Variants in GALNT18 observed in about 807,000 individuals in gnomAD.
The protein encoded by GALNT18 is GalNAc-transferase 18.
A neutral mutation model predicts 69.5 loss-of-function variants in GALNT18; 44 were observed. The observed-to-expected ratio is 0.63, with a 90% CI of 0.50 to 0.81. The LOEUF is 0.81. Ranked by LOEUF, GALNT18 falls within the 40% of genes least tolerant of loss-of-function variation. GALNT18 has a pLI of 0.00. For synonymous variants in GALNT18, 364 were observed against 318.2 expected (o/e 1.14, Z -1.53); for missense variants, 715 against 810.0 (o/e 0.88, Z 1.42).
At position 11,617,786 on chromosome 11, in the gene GALNT18, C is replaced by T. The variant is rs1304440437; in HGVS notation, c.235+3573G>A. Among the ~76,000 whole-genome samples, 1 of 152,228 alleles carries T rather than the reference C, an allele frequency of 6.6e-6. No individual in the cohort carries two copies. The highest frequency in any genetic ancestry group is 1.5e-5 in the Non-Finnish European group (1 of 68,050). On this transcript the variant is annotated intron_variant, in intron 1 of 10. Coordinates refer to ENST00000227756, the MANE Select transcript of GALNT18 (RefSeq NM_198516.3). The surrounding 1 kb of genome is among the most constrained non-coding windows in gnomAD (Gnocchi z 4.7). ...AATCAACATTTCCATTTCCTGCACT[C>T]TCCAACACTGAGAACTCCTTTAGCA... is the stretch of plus-strand genomic sequence containing the variant.
chr11:11,316,204 G>T (rs1849750167), intron 9 of GALNT18, among the ~76,000 whole-genome samples: 1 of 152,078 alleles, frequency 6.6e-6, no homozygotes, highest in Non-Finnish European at 1.5e-5. Context: ...AGTCATGGAG[G>T]GCACAAGAAA....
intron 9 of GALNT18, among the ~76,000 whole-genome samples, chr11:11,294,015 T>G (rs891003077): frequency 1.3e-5 from 2 of 152,234 alleles, no homozygotes; most frequent in African/African-American, 4.8e-5. Flanking sequence ...GTTTTCTGGG[T>G]GTGCTGGGGA....
chr11:11,406,187 C>G (rs1854583844), intron 3 of GALNT18, among the ~76,000 whole-genome samples: 1 of 152,188 alleles, frequency 6.6e-6, no homozygotes, highest in Admixed American at 6.5e-5. Context: ...AAATAATAGC[C>G]ATATTTTCCA....
rs376279165 is a variant in GALNT18, at chr11:11,292,149, C to T, written c.1677+880G>A. The stretch of plus-strand genomic sequence containing the variant: ...CTTCCCTGGGAGTGTCCACCATGTA[C>T]AGCCCCCAGGCAGCCCTGAGGCTCC... On this transcript the variant is annotated intron_variant, in intron 10 of 10. Transcript: ENST00000227756. Among the ~76,000 whole-genome samples, 146 of 152,266 alleles carry T rather than the reference C, an allele frequency of 9.6e-4. 1 individual carries two copies. Among genetic ancestry groups the T allele is most frequent in the African/African-American group, 3.4e-3 (141 of 41,548 alleles).
At position 11,603,121 on chromosome 11, in the gene GALNT18, A is replaced by T. The variant is rs1015269622; in HGVS notation, c.235+18238T>A. ...AATTCTAAGTTATGTCTTCCCATCA[A>T]CTACTTCAATTTGTGTTTGGTGCTT... On this transcript the variant is annotated intron_variant, in intron 1 of 10. Transcript: ENST00000227756. The surrounding 1 kb of genome is among the most constrained non-coding windows in gnomAD (Gnocchi z 4.5). 6.6e-6 allele frequency among the ~76,000 whole-genome samples: 1 copy of T among 152,222 alleles called. No individual in the cohort carries two copies. The highest frequency in any genetic ancestry group is 2.4e-5 in the African/African-American group (1 of 41,466).
intron 3 of GALNT18, among the ~76,000 whole-genome samples, chr11:11,427,639 C>T (rs924942640): frequency 6.6e-6 from 1 of 152,106 alleles, no homozygotes; most frequent in African/African-American, 2.4e-5. Context: ...AGGTTAAGAA[C>T]ACACAGGTAG....
rs569049347 is a variant in GALNT18 at position 11,538,472 on chromosome 11, T to C, written c.235+82887A>G. Among the ~76,000 whole-genome samples the C allele has an allele frequency of 8.1e-4, 124 of 152,336 alleles. No homozygotes were observed. Among genetic ancestry groups the C allele is most frequent in the Admixed American group, 6.1e-3 (94 of 15,302 alleles). ...ACTCCAGCTCCCAGAGGCCTGGGCC[T>C]GCAGGGTGGGAGAGACCAGCATACC... On this transcript the variant is annotated intron_variant, in intron 1 of 10. Coordinates refer to ENST00000227756, the MANE Select transcript of GALNT18 (RefSeq NM_198516.3). The surrounding 1 kb of genome is among the most constrained non-coding windows in gnomAD (Gnocchi z 5.2).
chr11:11,454,019 C>T lies in GALNT18; in HGVS notation c.236-5083G>A, dbSNP rs1268554617. Among the ~76,000 whole-genome samples, 1 of 152,142 alleles carries T rather than the reference C, an allele frequency of 6.6e-6. No homozygotes were observed. The highest frequency in any genetic ancestry group is 6.5e-5 in the Admixed American group (1 of 15,278). ...CTCAGACTCAGAACAGCATCTGGCG[C>T]CTAGTAGGTGCTTAACCAATACCAG... On this transcript the variant is annotated intron_variant, in intron 1 of 10. Transcript: ENST00000227756. The surrounding 1 kb of genome is among the most constrained non-coding windows in gnomAD (Gnocchi z 4.2).
At chr11:11,326,202 A>G (rs1248299466) in intron 9 of GALNT18, among the ~76,000 whole-genome samples, 1 of 151,600 alleles carries the variant, frequency 6.6e-6, no homozygotes, top group East Asian at 1.9e-4. Context: ...CCGCCACCAC[A>G]CCTGGCTAAT....
At chr11:11,521,713 C>T (rs4075928) in intron 1 of GALNT18, among the ~76,000 whole-genome samples, 2,413 of 152,160 alleles carry the variant, frequency 0.016, 82 homozygotes, top group African/African-American at 0.054. Context: ...ATTTACAGTA[C>T]AATGACAGTC....
intron 3 of GALNT18, among the ~76,000 whole-genome samples, chr11:11,409,439 A>G (rs1377719821): frequency 6.6e-6 from 1 of 151,194 alleles, no homozygotes; most frequent in African/African-American, 2.4e-5. Context: ...AGAGTTTGGG[A>G]CTCCACCCGG....
At position 11,387,552 on chromosome 11, in the gene GALNT18, A is replaced by C. The variant is rs533850227; in HGVS notation, c.596-8288T>G. Among the ~76,000 whole-genome samples the C allele has an allele frequency of 3.5e-4, 53 of 152,234 alleles. No individual in the cohort carries two copies. The highest frequency in any genetic ancestry group is 6.2e-4 in the Non-Finnish European group (42 of 68,038). On this transcript the variant is annotated intron_variant, in intron 3 of 10. Transcript: ENST00000227756. This position sits in a 1 kb window ranked among gnomAD's most constrained non-coding sequence, Gnocchi z 4.6. ...TGTGTTTATTCCTTTCCAAGTGAAA[A>C]GTGGCTTGTCTTCTTCAGATCAGAA...
chr11:11,278,478 C>A (rs529935168), intron 10 of GALNT18, among the ~76,000 whole-genome samples: 1 of 151,768 alleles, frequency 6.6e-6, no homozygotes, highest in East Asian at 1.9e-4. Context: ...AAAACCTGCA[C>A]ATTCTGCACA....
At chr11:11,275,110 A>G (rs71465771) in intron 10 of GALNT18, among the ~76,000 whole-genome samples, 61,718 of 152,098 alleles carry the variant, frequency 0.41, 12,792 homozygotes, top group Non-Finnish European at 0.45. Flanking sequence ...GATCCTTGAG[A>G]AATGGCCACA....
intron 4 of GALNT18, 61 bp downstream of exon 4, chr11:11,379,020 T>A (rs1853842322): frequency 7.1e-7 from 1 of 1,416,060 alleles, no homozygotes; most frequent in South Asian, 1.4e-5. Context: ...TGCTTTGCAC[T>A]ATTGGAGCTG....
rs1304557286 is a variant in GALNT18, at chr11:11,332,313, T to C, written c.1416+381A>G. 6.6e-6 allele frequency among the ~76,000 whole-genome samples: 1 copy of C among 152,240 alleles called. No homozygotes were observed. Among genetic ancestry groups the C allele is most frequent in the Non-Finnish European group, 1.5e-5 (1 of 68,032 alleles). On this transcript the variant is annotated intron_variant, in intron 8 of 10. Transcript: ENST00000227756. This position sits in a 1 kb window ranked among gnomAD's most constrained non-coding sequence, Gnocchi z 4.3. ...ATGCGAGTGGGAGGCATTAGCTCCT[T>C]GGTCAGGGAGGCACACAGGGTGACT...
intron 10 of GALNT18, among the ~76,000 whole-genome samples, chr11:11,282,654 A>G (rs781480252): frequency 3.3e-5 from 5 of 152,148 alleles, no homozygotes; most frequent in Non-Finnish European, 7.4e-5. Flanking sequence ...TGGTGCCCCA[A>G]TGCCTAGGGT....
At chr11:11,364,826 T>A (rs1850725693) in intron 6 of GALNT18, among the ~76,000 whole-genome samples, 1 of 152,338 alleles carries the variant, frequency 6.6e-6, no homozygotes, top group African/African-American at 2.4e-5. Context: ...AATGATATGA[T>A]GTCTGGGATT....
At chr11:11,308,330 A>AT (rs932972799) in intron 9 of GALNT18, among the ~76,000 whole-genome samples, 1 of 152,146 alleles carries the variant, frequency 6.6e-6, no homozygotes, top group African/African-American at 2.4e-5. Context: ...AATAAAGGCA[A>AT]TTCACTAAAT....
Sources: allele counts gnomAD v4.1 joint callset (sites outside exome capture counted in the v4.1 genomes callset), GRCh38; gene constraint gnomAD v4.1.1; non-coding constraint Gnocchi (gnomAD v3.1); transcripts MANE v1.5; gene names NCBI Gene and HGNC (gene_info 2026-07-23, HGNC 2026-07-21).